The following XKR4 variants were observed in gnomAD, a reference collection of about 807,000 sequenced individuals.
XKR4 encodes XK-related protein 4.
In XKR4, 12 loss-of-function variants were observed where a neutral mutation model predicts 53.9. The ratio of observed to expected loss-of-function variants is 0.22; its 90% confidence interval spans 0.14 to 0.36. The LOEUF (loss-of-function observed/expected upper bound fraction) is 0.36. Among genes scored for constraint, XKR4 ranks in the 10% least tolerant of loss-of-function variants. The probability of loss-of-function intolerance (pLI) is 1.00; values close to 1 mark genes in which losing one functional copy is unlikely to be tolerated. For missense variants in XKR4, 799 were observed against 859.5 expected, an observed-to-expected ratio of 0.93 and a Z score of 0.88; for synonymous variants, 354 against 362.4, an observed-to-expected ratio of 0.98 and a Z score of 0.26.
rs1807081613 is a variant in XKR4, at chr8:55,540,253, G to A, written c.*16026G>A. 2 of 152,164 alleles carry A rather than the reference G, an allele frequency of 1.3e-5. No homozygotes were observed. The highest frequency in any genetic ancestry group is 2.1e-4 in the South Asian group (1 of 4,828). 9.4% of individuals were successfully genotyped at this position (152,164 alleles called of 1,614,324 possible). ...GTATTAATTGTGGTCAATTTTCATG[G>A]ATATTTCCCATTAACATTGTATTCC... On this transcript the variant is annotated 3_prime_UTR_variant, in exon 3 of 3. Transcript: ENST00000327381.
chr8:55,345,063 C>T (rs1221279785), intron 1 of XKR4, among the ~76,000 whole-genome samples: 1 of 152,122 alleles, frequency 6.6e-6, no homozygotes, highest in Non-Finnish European at 1.5e-5. Flanking sequence ...AGGTGGATCA[C>T]TTGAGGTCAG....
intron 2 of XKR4, among the ~76,000 whole-genome samples, chr8:55,499,874 C>T (rs1015541233): frequency 1.3e-5 from 2 of 152,070 alleles, no homozygotes; most frequent in Non-Finnish European, 2.9e-5. Flanking sequence ...GGAGATTTTC[C>T]TCCAGTATGT....
rs1816588732 is a variant in XKR4 at position 55,133,838 on chromosome 8, A to AT, written c.806+30545dup. Among the ~76,000 whole-genome samples the AT allele has an allele frequency of 5.3e-5, 8 of 152,360 alleles. No homozygotes were observed. The South Asian group carries it at 1.7e-3, about 32-fold the overall frequency. On this transcript the variant is annotated intron_variant, in intron 1 of 2. Transcript: ENST00000327381. ...ATTTTATCTGAATATTTAATCACCA[A>AT]TAATGGAGATGAAAATTTATGAGAT...
intron 2 of XKR4, among the ~76,000 whole-genome samples, chr8:55,456,263 C>A (rs2129397202): frequency 6.6e-6 from 1 of 152,156 alleles, no homozygotes; most frequent in East Asian, 1.9e-4. Context: ...GAAACCCTGT[C>A]TCTACTAAAA....
chr8:55,364,489 T>C (rs1441392879), intron 2 of XKR4, among the ~76,000 whole-genome samples: 2 of 152,236 alleles, frequency 1.3e-5, no homozygotes, highest in Non-Finnish European at 2.9e-5. Context: ...AGCAGGTTGC[T>C]TTTAGTCCCC....
intron 1 of XKR4, among the ~76,000 whole-genome samples, chr8:55,277,107 C>A (rs935675812): frequency 2.0e-5 from 3 of 152,132 alleles, no homozygotes; most frequent in Non-Finnish European, 2.9e-5. Context: ...TGACTGCTTC[C>A]CAGGATTTAT....
At chr8:55,430,255 A>G (rs543760524) in intron 2 of XKR4, among the ~76,000 whole-genome samples, 2 of 152,344 alleles carry the variant, frequency 1.3e-5, no homozygotes, top group Admixed American at 6.5e-5. Context: ...TTCTTTAAAA[A>G]TGAAACATTA....
chr8:55,450,756 C>T (rs988035081), intron 2 of XKR4: 23 of 576,882 alleles, frequency 4.0e-5, no homozygotes, highest in Non-Finnish European at 5.6e-5. Flanking sequence ...GGTGGAACCC[C>T]TCCAGCGTTC....
rs1051791986 is a variant in XKR4, at chr8:55,538,655, C to G, written c.*14428C>G. ...TAAAATGCACCCAGAAAACTTGTCT[C>G]CTCCTGATGCCTGAGGGGTTTGCAT... On this transcript the variant is annotated 3_prime_UTR_variant, in exon 3 of 3. Transcript: ENST00000327381. 2 of 152,156 alleles carry G rather than the reference C, an allele frequency of 1.3e-5. No homozygotes were observed. The highest frequency in any genetic ancestry group is 4.8e-5 in the African/African-American group (2 of 41,426). The allele number at this position is 152,156 out of a possible 1,614,324, so 9.4% of individuals were successfully genotyped here.
chr8:55,518,681 T>C (rs1806753633), intron 2 of XKR4, among the ~76,000 whole-genome samples: 1 of 152,286 alleles, frequency 6.6e-6, no homozygotes, highest in Middle Eastern at 3.4e-3. Flanking sequence ...AGACACACAG[T>C]TCTGGGGCTC....
At chr8:55,497,212 T>A (rs558863759) in intron 2 of XKR4, among the ~76,000 whole-genome samples, 1 of 152,256 alleles carries the variant, frequency 6.6e-6, no homozygotes, top group Non-Finnish European at 1.5e-5. Context: ...CGCTAAGCAC[T>A]TAAACTCAAC....
At chr8:55,328,137 C>G (rs1240863992) in intron 1 of XKR4, among the ~76,000 whole-genome samples, 1 of 152,100 alleles carries the variant, frequency 6.6e-6, no homozygotes, top group Non-Finnish European at 1.5e-5. Context: ...ATGGGGGAAA[C>G]CACCCTCATG....
intron 2 of XKR4, among the ~76,000 whole-genome samples, chr8:55,361,280 G>A (rs76750198): frequency 1.9e-3 from 283 of 152,202 alleles, no homozygotes; most frequent in African/African-American, 6.4e-3. Context: ...GGAGAGGGAC[G>A]TTGAGAGGGG....
intron 1 of XKR4, chr8:55,142,504 T>C (rs1816720580): frequency 6.2e-6 from 1 of 162,542 alleles, no homozygotes; most frequent in Admixed American, 5.9e-5. Context: ...TGAAGAGATT[T>C]CTATATTTTA....
intron 1 of XKR4, among the ~76,000 whole-genome samples, chr8:55,321,105 T>C (rs2129379432): frequency 6.6e-6 from 1 of 152,216 alleles, no homozygotes; most frequent in African/African-American, 2.4e-5. Flanking sequence ...TGCATCTAGG[T>C]CCAAACATTC....
chr8:55,482,747 T>C (rs1806131016), intron 2 of XKR4, among the ~76,000 whole-genome samples: 1 of 152,148 alleles, frequency 6.6e-6, no homozygotes, highest in Non-Finnish European at 1.5e-5. Flanking sequence ...AAAATGGAAT[T>C]GTTTGCATGA....
chr8:55,268,697 G>A (rs981249991), intron 1 of XKR4, among the ~76,000 whole-genome samples: 7 of 152,058 alleles, frequency 4.6e-5, no homozygotes, highest in Non-Finnish European at 1.0e-4. Context: ...AATGAACCTA[G>A]CTTTGAGTGC....
chr8:55,186,236 G>T (rs1817375030), intron 1 of XKR4, among the ~76,000 whole-genome samples: 1 of 152,174 alleles, frequency 6.6e-6, no homozygotes, highest in African/African-American at 2.4e-5. Context: ...TAATAGTTTA[G>T]ATTTAAAAGG....
intron 1 of XKR4, among the ~76,000 whole-genome samples, chr8:55,109,997 A>G (rs1047656413): frequency 6.6e-6 from 1 of 152,336 alleles, no homozygotes; most frequent in Non-Finnish European, 1.5e-5. Flanking sequence ...TCTCCTTCAC[A>G]TGGACTTACT....
Sources: gnomAD v4.1 joint callset for allele counts (sites outside exome capture counted in the v4.1 genomes callset) on GRCh38, gnomAD v4.1.1 for gene constraint, MANE v1.5 for transcripts, NCBI Gene and HGNC (gene_info 2026-07-23, HGNC 2026-07-21) for gene names.